The following ARHGAP24 variants were observed in gnomAD, a reference collection of about 807,000 sequenced individuals.
ARHGAP24 encodes Rho GTPase activating protein 24, also known as rho GTPase-activating protein 24.
A neutral mutation model predicts 76.4 loss-of-function variants in ARHGAP24; 50 were observed. That is an observed-to-expected ratio of 0.65 (90% confidence interval 0.52 to 0.83). The LOEUF (loss-of-function observed/expected upper bound fraction) is 0.83. ARHGAP24 is among the 40% of genes least tolerant of loss of function. The pLI is 0.00. For missense variants in ARHGAP24, 930 were observed against 914.2 expected, an observed-to-expected ratio of 1.02 and a Z score of -0.22; for synonymous variants, 345 against 323.3, an observed-to-expected ratio of 1.07 and a Z score of -0.72.
At chr4:85,937,108 A>G (rs1736684122) in intron 4 of ARHGAP24, among the ~76,000 whole-genome samples, 1 of 152,328 alleles carries the variant, frequency 6.6e-6, no homozygotes, top group South Asian at 2.1e-4. Flanking sequence ...GAAATATTAC[A>G]AAGTCCACCA....
intron 2 of ARHGAP24, among the ~76,000 whole-genome samples, chr4:85,687,430 C>CT (rs1723465596): frequency 6.6e-6 from 1 of 152,122 alleles, no homozygotes; most frequent in Admixed American, 6.6e-5. Flanking sequence ...CCTACTCTCT[C>CT]CCCGCTTTAG....
At position 85,700,394 on chromosome 4, in the gene ARHGAP24, T is replaced by TAAAA. The variant is rs139515906; in HGVS notation, c.181-21481_181-21478dup. On this transcript the variant is annotated intron_variant, in intron 2 of 9. Coordinates refer to ENST00000395184, the MANE Select transcript of ARHGAP24 (RefSeq NM_001025616.3). ...CTGGGGGAAAGAGTGAGATTCTGTCTAAAAAAAAAAAAATAAATAAATAAA... is the reference window on the plus strand; with the variant it reads ...CTGGGGGAAAGAGTGAGATTCTGTCTAAAAAAAAAAAAAAAAATAAATAAATAAA... Among the ~76,000 whole-genome samples, 11 of 71,530 alleles carry TAAAA rather than the reference T, an allele frequency of 1.5e-4. 1 individual carries two copies. Among genetic ancestry groups the TAAAA allele is most frequent in the African/African-American group, 3.5e-4 (10 of 28,802 alleles). 46.9% of individuals were successfully genotyped at this position (71,530 alleles called of 152,430 possible). A position where few individuals can be genotyped will look rare whatever the true frequency, so the allele number is the denominator to read the frequency against.
intron 2 of ARHGAP24, among the ~76,000 whole-genome samples, chr4:85,596,443 G>T (rs1280562745): frequency 6.6e-6 from 1 of 152,062 alleles, no homozygotes; most frequent in Non-Finnish European, 1.5e-5. Flanking sequence ...CATAAAAAGT[G>T]TTGTTGTTCC....
chr4:85,949,503 G>C (rs1737477183), intron 5 of ARHGAP24, among the ~76,000 whole-genome samples: 1 of 152,210 alleles, frequency 6.6e-6, no homozygotes, highest in Non-Finnish European at 1.5e-5. Flanking sequence ...GGGCTAGCTA[G>C]AATAGCCGAT....
At chr4:85,487,797 TATATTTATTACATATTATATAAAC>T (rs1231628188) in intron 1 of ARHGAP24, among the ~76,000 whole-genome samples, 3 of 112,492 alleles carry the variant, frequency 2.7e-5, no homozygotes, top group Non-Finnish European at 5.0e-5. Context: ...TATATAAATA[TATATTTATTACATATTATATAAAC>T]ATATTTATTA....
At chr4:85,716,969 C>G (rs897478260) in intron 2 of ARHGAP24, among the ~76,000 whole-genome samples, 1 of 152,060 alleles carries the variant, frequency 6.6e-6, no homozygotes, top group Admixed American at 6.6e-5. Context: ...CTAACCTAAC[C>G]TGAAGCCAGA....
chr4:85,706,700 G>A (rs559107074), intron 2 of ARHGAP24, among the ~76,000 whole-genome samples: 2 of 151,860 alleles, frequency 1.3e-5, no homozygotes, highest in East Asian at 3.9e-4. Flanking sequence ...TGAGTAGCTG[G>A]GGTTACAGGC....
chr4:86,000,939 GTATA>G lies in ARHGAP24; in HGVS notation c.*220_*223del. ...TGTCAAGTGTTACAACTGGATATGTGTATATAGAGTAGTTTTTCAAAAGTAAACT... is the reference window on the plus strand; with the variant it reads ...TGTCAAGTGTTACAACTGGATATGTGTAGAGTAGTTTTTCAAAAGTAAACT... On this transcript the variant is annotated 3_prime_UTR_variant, in exon 10 of 10. Transcript: ENST00000395184. 1.6e-6 allele frequency: 1 copy of G among 607,054 alleles called. No individual in the cohort carries two copies. The highest frequency in any genetic ancestry group is 2.5e-5 in the South Asian group (1 of 40,694). The allele number at this position is 607,054 out of a possible 1,614,324, so 37.6% of individuals were successfully genotyped here. A position where few individuals can be genotyped will look rare whatever the true frequency, so the allele number is the denominator to read the frequency against.
At chr4:85,641,020 T>TCTTTAGTTATTAAAGAAATA (rs1560565317) in intron 2 of ARHGAP24, among the ~76,000 whole-genome samples, 1 of 151,896 alleles carries the variant, frequency 6.6e-6, no homozygotes, top group African/African-American at 2.4e-5. Context: ...AAAAGAAATT[T>TCTTTAGTTATTAAAGAAATA]ACTTAAGTTA....
chr4:85,541,288 G>A (rs996440547), intron 1 of ARHGAP24, among the ~76,000 whole-genome samples: 4 of 136,296 alleles, frequency 2.9e-5, no homozygotes, highest in African/African-American at 7.0e-5. Flanking sequence ...CAAGTAGCTG[G>A]GACTACAGGC....
chr4:85,851,056 G>T (rs561881293), intron 3 of ARHGAP24, among the ~76,000 whole-genome samples: 1 of 152,260 alleles, frequency 6.6e-6, no homozygotes. Context: ...GGGTGTTAAA[G>T]TCTCCCATTA....
At chr4:85,933,623 G>A (rs147998701) in intron 4 of ARHGAP24, among the ~76,000 whole-genome samples, 3 of 152,264 alleles carry the variant, frequency 2.0e-5, no homozygotes, top group Non-Finnish European at 2.9e-5. Flanking sequence ...TTTATGTTCC[G>A]TTGAGATAAA....
At position 85,570,236 on chromosome 4, in the gene ARHGAP24, G is replaced by C. The variant is rs527801632; in HGVS notation, c.-20-286G>C. ...TGTCTAGAAATTTGGCCAATGAGTT[G>C]AGGAACATTTTTCACCCCTTCTCCC... On this transcript the variant is annotated intron_variant, in intron 1 of 9. Transcript: ENST00000395184. 1.6e-4 allele frequency among the ~76,000 whole-genome samples: 25 copies of C among 152,066 alleles called. No homozygotes were observed. In the South Asian group the frequency reaches 5.2e-3, roughly 32 times the overall value.
At chr4:85,974,002 C>T (rs1739166712) in intron 6 of ARHGAP24, among the ~76,000 whole-genome samples, 1 of 132,402 alleles carries the variant, frequency 7.6e-6, no homozygotes, top group Non-Finnish European at 1.6e-5. Context: ...GCCACCAAGC[C>T]TGGCTAATTT....
chr4:85,554,756 C>T (rs1465131568), intron 1 of ARHGAP24, among the ~76,000 whole-genome samples: 4 of 151,964 alleles, frequency 2.6e-5, no homozygotes, highest in Admixed American at 2.0e-4. Flanking sequence ...CTGCAAGCTC[C>T]ACCTCCCGGG....
At chr4:85,702,878 G>A (rs1366049069) in intron 2 of ARHGAP24, among the ~76,000 whole-genome samples, 2 of 151,532 alleles carry the variant, frequency 1.3e-5, no homozygotes, top group Middle Eastern at 6.8e-3. Context: ...CCCATGAAGG[G>A]GTCTGAGAAA....
rs5859995 is a variant in ARHGAP24, at chr4:85,687,098, G to GTGA, written c.181-34769_181-34767dup. On this transcript the variant is annotated intron_variant, in intron 2 of 9. Coordinates refer to ENST00000395184, the MANE Select transcript of ARHGAP24 (RefSeq NM_001025616.3). ...CAAGAAAATCTCTAATTAGATAATG[G>GTGA]TGATGATGATGATGATGATGGATGG... is the stretch of plus-strand genomic sequence containing the variant. Among the ~76,000 whole-genome samples the GTGA allele has an allele frequency of 6.4e-3, 974 of 151,928 alleles. 10 individuals are homozygous for GTGA. The highest frequency in any genetic ancestry group is 0.022 in the African/African-American group (917 of 41,430).
intron 3 of ARHGAP24, among the ~76,000 whole-genome samples, chr4:85,866,476 C>T (rs2110184291): frequency 6.6e-6 from 1 of 152,244 alleles, no homozygotes; most frequent in East Asian, 1.9e-4. Flanking sequence ...CATGAACAAG[C>T]TCAACTTTCA....
intron 2 of ARHGAP24, among the ~76,000 whole-genome samples, chr4:85,705,815 C>T (rs549356948): frequency 7.2e-5 from 11 of 152,206 alleles, no homozygotes; most frequent in African/African-American, 2.6e-4. Flanking sequence ...ATGTTGGATA[C>T]TGTTTTAGAG....
Sources: allele counts gnomAD v4.1 joint callset (sites outside exome capture counted in the v4.1 genomes callset), GRCh38; gene constraint gnomAD v4.1.1; transcripts MANE v1.5; gene names NCBI Gene and HGNC (gene_info 2026-07-23, HGNC 2026-07-21).